PCGF3: variants seen among roughly 807,000 people sequenced by gnomAD.
The protein encoded by PCGF3 is polycomb group ring finger 3.
In PCGF3, 7 loss-of-function variants were observed where a neutral mutation model predicts 33.1. That is an observed-to-expected ratio of 0.21 (90% confidence interval 0.12 to 0.40). PCGF3 has a LOEUF of 0.40. Among genes scored for constraint, PCGF3 ranks in the 10% least tolerant of loss-of-function variants. PCGF3 has a pLI of 1.00. For missense variants in PCGF3, 211 were observed against 313.3 expected, an observed-to-expected ratio of 0.67 and a Z score of 2.46; for synonymous variants, 153 against 121.3, an observed-to-expected ratio of 1.26 and a Z score of -1.72.
At chr4:714,741 T>C (rs1742734877) in intron 1 of PCGF3, among the ~76,000 whole-genome samples, 1 of 152,190 alleles carries the variant, frequency 6.6e-6, no homozygotes, top group African/African-American at 2.4e-5. Flanking sequence ...TGACGTCCTC[T>C]TCAGTCTCAG....
intron 1 of PCGF3, among the ~76,000 whole-genome samples, chr4:724,635 C>G (rs959411238): frequency 2.0e-5 from 3 of 152,170 alleles, no homozygotes; most frequent in Non-Finnish European, 2.9e-5. Flanking sequence ...ACCAGCCTGG[C>G]CAACGTGGTG....
chr4:729,246 C>T (rs973539206), intron 1 of PCGF3, among the ~76,000 whole-genome samples: 1 of 151,314 alleles, frequency 6.6e-6, no homozygotes, highest in South Asian at 2.1e-4. Context: ...GAGACCCTGT[C>T]TCTACTAAAA....
chr4:758,313 C>T (rs190862321), intron 8 of PCGF3, among the ~76,000 whole-genome samples: 35 of 151,250 alleles, frequency 2.3e-4, no homozygotes, highest in Admixed American at 1.2e-3. Context: ...TCTTTCTCCC[C>T]GCGCGGCCCC....
chr4:718,820 C>G (rs1232807853), intron 1 of PCGF3, among the ~76,000 whole-genome samples: 1 of 152,342 alleles, frequency 6.6e-6, no homozygotes, highest in East Asian at 1.9e-4. Flanking sequence ...AACTTTACTG[C>G]CTGGGGTCAG....
intron 1 of PCGF3, among the ~76,000 whole-genome samples, chr4:711,514 G>A (rs1390281153): frequency 7.1e-6 from 1 of 140,428 alleles, no homozygotes; most frequent in East Asian, 2.1e-4. Context: ...GCGGACTGCA[G>A]TGGCGCAATC....
chr4:744,302 G>T (rs1345253768), intron 7 of PCGF3, among the ~76,000 whole-genome samples: 1 of 152,260 alleles, frequency 6.6e-6, no homozygotes, highest in Non-Finnish European at 1.5e-5. Flanking sequence ...CTCCGGGCGG[G>T]CCTGGCCATG....
At chr4:706,925 T>G (rs1187059746) in intron 1 of PCGF3, among the ~76,000 whole-genome samples, 163 of 62,318 alleles carry the variant, frequency 2.6e-3, no homozygotes, top group Middle Eastern at 0.014. Flanking sequence ...AGGACCCAGG[T>G]GAGGGCAAAG....
chr4:763,511 G>A (rs1185547573), intron 9 of PCGF3, among the ~76,000 whole-genome samples: 1 of 152,220 alleles, frequency 6.6e-6, no homozygotes, highest in Middle Eastern at 3.2e-3. Context: ...TCAGGGAAAC[G>A]CAAGGAAAAC....
chr4:762,037 C>T (rs937155240), intron 9 of PCGF3: 5 of 985,130 alleles, frequency 5.1e-6, no homozygotes, highest in Admixed American at 6.2e-5. Context: ...GCAGGAGAGG[C>T]GGACTGTGGT....
chr4:736,595 C>CCGGGG lies in PCGF3; in HGVS notation c.207-871_207-870insCGGGG, dbSNP rs1185192847. On this transcript the variant is annotated intron_variant, in intron 5 of 10. Coordinates refer to ENST00000362003, the Ensembl canonical transcript of PCGF3. ...CCTGAGCGCACAGGATGCAGGGAAC[C>CCGGGG]TGGGGTGTCCGCAGGGACGGTGTCC... Among the ~76,000 whole-genome samples, 5 of 108,160 alleles carry CCGGGG rather than the reference C, an allele frequency of 4.6e-5. 1 individual carries two copies. The highest frequency in any genetic ancestry group is 7.2e-4 in the South Asian group (2 of 2,762). The allele number at this position is 108,160 out of a possible 152,430, so 71.0% of individuals were successfully genotyped here. A position where few individuals can be genotyped will look rare whatever the true frequency, so the allele number is the denominator to read the frequency against.
chr4:723,246 C>T (rs998061592), intron 1 of PCGF3, among the ~76,000 whole-genome samples: 3 of 152,272 alleles, frequency 2.0e-5, no homozygotes, highest in Non-Finnish European at 4.4e-5. Context: ...CTGAAGGCTC[C>T]TAGCCGCTGC....
chr4:717,291 C>A (rs1011740443), intron 1 of PCGF3, among the ~76,000 whole-genome samples: 1 of 126,532 alleles, frequency 7.9e-6, no homozygotes, highest in African/African-American at 3.2e-5. Flanking sequence ...CCTGTAGACA[C>A]TGAATGTGAG....
Position 706,760 on chromosome 4 carries a change from G to C in PCGF3, c.-190+790G>C, listed in dbSNP as rs1244067533. 1.8e-3 allele frequency among the ~76,000 whole-genome samples: 188 copies of C among 105,994 alleles called. 5 individuals carry two copies. Among genetic ancestry groups the C allele is most frequent in the African/African-American group, 6.5e-3 (170 of 26,034 alleles). The allele number at this position is 105,994 out of a possible 152,430, so 69.5% of individuals were successfully genotyped here. On this transcript the variant is annotated intron_variant, in intron 1 of 10. Transcript: ENST00000362003. ...AGCCCAGGCAGGACCCAGGGAGGGC[G>C]AAGACCCCAGACCAGGCAGGACCCA...
chr4:754,347 G>C (rs577611790), intron 8 of PCGF3, among the ~76,000 whole-genome samples: 2 of 152,300 alleles, frequency 1.3e-5, no homozygotes, highest in Admixed American at 6.5e-5. Context: ...CTGTGCTCTT[G>C]GGACTTCACA....
At chr4:765,857 C>T (rs1170376777) in intron 10 of PCGF3, among the ~76,000 whole-genome samples, 175 bp from the exon 11 acceptor site, 2 of 152,170 alleles carry the variant, frequency 1.3e-5, no homozygotes, top group Non-Finnish European at 2.9e-5. Flanking sequence ...AGCCCGTCTT[C>T]CCCCAGCAAC....
chr4:742,153 C>T (rs1467784325), intron 6 of PCGF3, among the ~76,000 whole-genome samples: 4 of 150,286 alleles, frequency 2.7e-5, no homozygotes, highest in Non-Finnish European at 5.9e-5. Context: ...GGGTCCCCTC[C>T]TCTCTCTCTC....
At chr4:757,479 A>G (rs955807907) in intron 8 of PCGF3, 1 of 152,240 alleles carries the variant, frequency 6.6e-6, no homozygotes. Flanking sequence ...CTTCTTCCTC[A>G]TTAAGCTCTA....
intron 8 of PCGF3, among the ~76,000 whole-genome samples, chr4:760,821 A>T (rs1426026086): frequency 1.3e-5 from 2 of 152,196 alleles, no homozygotes; most frequent in Non-Finnish European, 2.9e-5. Flanking sequence ...ACTGCTGGTC[A>T]CCTGGAAGGC....
At chr4:755,151 TTG>T (rs906930213) in intron 8 of PCGF3, among the ~76,000 whole-genome samples, 13 of 152,358 alleles carry the variant, frequency 8.5e-5, no homozygotes, top group African/African-American at 2.4e-4. Flanking sequence ...GCACACGGCG[TTG>T]TGTGCGTGGC....
Sources: allele counts gnomAD v4.1 joint callset (sites outside exome capture counted in the v4.1 genomes callset), GRCh38; gene constraint gnomAD v4.1.1; transcripts MANE v1.5; gene names NCBI Gene and HGNC (gene_info 2026-07-23, HGNC 2026-07-21).